Variants in FBXL20 observed in about 807,000 individuals in gnomAD.
The protein encoded by FBXL20 is F-box/LRR-repeat protein 20.
FBXL20 carries 11 observed loss-of-function variants against 64.0 expected under a neutral mutation model. The observed-to-expected ratio is 0.17, with a 90% CI of 0.11 to 0.28. The LOEUF is 0.28. Ranked by LOEUF, FBXL20 falls within the 10% of genes least tolerant of loss-of-function variation. The pLI, the probability that FBXL20 is intolerant of heterozygous loss-of-function variation, is 1.00. For synonymous variants in FBXL20, 184 were observed against 189.0 expected (o/e 0.97, Z 0.22); for missense variants, 303 against 526.2 (o/e 0.58, Z 4.15).
intron 1 of FBXL20, among the ~76,000 whole-genome samples, chr17:39,348,169 A>T (rs1255108748): frequency 6.6e-6 from 1 of 151,930 alleles, no homozygotes; most frequent in Non-Finnish European, 1.5e-5. Flanking sequence ...CACATACAAA[A>T]GATGATGTCT....
intron 1 of FBXL20, among the ~76,000 whole-genome samples, chr17:39,394,299 G>C (rs903950420): frequency 9.0e-5 from 12 of 132,912 alleles, no homozygotes; most frequent in Non-Finnish European, 6.3e-5. Flanking sequence ...TTTTTTTTGA[G>C]ACAGAGTCTC....
intron 1 of FBXL20, among the ~76,000 whole-genome samples, chr17:39,363,810 CAAAAAAA>C (rs71372113): frequency 7.5e-5 from 2 of 26,676 alleles, no homozygotes; most frequent in African/African-American, 4.9e-4. Context: ...GACTTTATCT[CAAAAAAA>C]AAAAAAAAAC....
At chr17:39,380,231 T>A (rs1471168253) in intron 1 of FBXL20, among the ~76,000 whole-genome samples, 1 of 152,150 alleles carries the variant, frequency 6.6e-6, no homozygotes, top group Non-Finnish European at 1.5e-5. Context: ...AAAACAAATC[T>A]ATGAATGTAT....
intron 1 of FBXL20, among the ~76,000 whole-genome samples, chr17:39,375,373 C>T (rs867832858): frequency 3.3e-5 from 5 of 151,844 alleles, no homozygotes; most frequent in East Asian, 3.8e-4. Flanking sequence ...AAGAAACAAA[C>T]GAAAAAAATT....
intron 1 of FBXL20, among the ~76,000 whole-genome samples, chr17:39,354,626 G>A (rs2047718721): frequency 6.6e-6 from 1 of 152,156 alleles, no homozygotes; most frequent in African/African-American, 2.4e-5. Context: ...TAGGAATCTG[G>A]AAGTACTCTA....
intron 12 of FBXL20, among the ~76,000 whole-genome samples, chr17:39,266,502 G>A (rs1357831666): frequency 6.6e-6 from 1 of 152,146 alleles, no homozygotes; most frequent in Non-Finnish European, 1.5e-5. Context: ...TTACAGGCAT[G>A]AGCCACCATG....
chr17:39,297,995 TC>T (rs1427801513), intron 5 of FBXL20, among the ~76,000 whole-genome samples: 4 of 152,166 alleles, frequency 2.6e-5, no homozygotes, highest in African/African-American at 9.7e-5. Flanking sequence ...CATCAGCCTT[TC>T]AAAGTGCTGA....
At chr17:39,283,337 C>T (rs2046963275) in intron 7 of FBXL20, among the ~76,000 whole-genome samples, 2 of 152,176 alleles carry the variant, frequency 1.3e-5, no homozygotes, top group African/African-American at 4.8e-5. Context: ...AGCTGAGTAT[C>T]CCATATCTGA....
At chr17:39,271,396 G>A (rs1004080087) in intron 10 of FBXL20, among the ~76,000 whole-genome samples, 4 of 151,278 alleles carry the variant, frequency 2.6e-5, no homozygotes, top group Non-Finnish European at 5.9e-5. Context: ...TCAGGAGTTC[G>A]AGACCAGCCT....
chr17:39,386,332 A>T (rs2048079917), intron 1 of FBXL20, among the ~76,000 whole-genome samples: 1 of 147,598 alleles, frequency 6.8e-6, no homozygotes, highest in Non-Finnish European at 1.5e-5. Context: ...AATAAATAAA[A>T]ATTAATCAGT....
At chr17:39,289,936 T>G (rs947578013) in intron 6 of FBXL20, among the ~76,000 whole-genome samples, 36 of 140,428 alleles carry the variant, frequency 2.6e-4, no homozygotes, top group African/African-American at 9.9e-4. Context: ...GAGGCAGAGG[T>G]TGCAGTTAGC....
Position 39,325,935 on chromosome 17 carries a change from G to A in FBXL20, c.104+17245C>T, listed in dbSNP as rs571132490. On this transcript the variant is annotated intron_variant, in intron 2 of 14. Coordinates refer to ENST00000264658, the MANE Select transcript of FBXL20 (RefSeq NM_032875.3). ...TTGAAATGTGATCCCCAATGTTGGA[G>A]GTGGGACCTAGTGAGAGGTATTAGA... 3.7e-4 allele frequency among the ~76,000 whole-genome samples: 56 copies of A among 152,264 alleles called. 1 individual carries two copies. Among genetic ancestry groups the A allele is most frequent in the African/African-American group, 1.3e-3 (53 of 41,548 alleles).
chr17:39,306,513 T>C (rs1356530759), intron 2 of FBXL20, among the ~76,000 whole-genome samples: 1 of 152,202 alleles, frequency 6.6e-6, no homozygotes, highest in African/African-American at 2.4e-5. Context: ...GAAAAGACTG[T>C]ACTTTTCCCC....
intron 12 of FBXL20, among the ~76,000 whole-genome samples, chr17:39,266,065 CTTTTTT>C (rs34822405): frequency 4.8e-5 from 3 of 62,736 alleles, no homozygotes; most frequent in African/African-American, 6.1e-5. Flanking sequence ...CTCATTCATT[CTTTTTT>C]TTTTTTTTTT....
upstream of FBXL20, chr17:39,401,749 G>A (rs2048248059): frequency 9.7e-7 from 1 of 1,034,054 alleles, no homozygotes; most frequent in Non-Finnish European, 1.2e-6. Flanking sequence ...GGGGAGGAGC[G>A]CGGCGGCGGC....
Position 39,398,913 on chromosome 17 carries a change from T to C in FBXL20, c.42+2448A>G, listed in dbSNP as rs192958310. Among the ~76,000 whole-genome samples the C allele has an allele frequency of 4.2e-3, 634 of 152,198 alleles. 5 individuals carry two copies. The highest frequency in any genetic ancestry group is 0.014 in the African/African-American group (586 of 41,552). On this transcript the variant is annotated intron_variant, in intron 1 of 14. Coordinates refer to ENST00000264658, the MANE Select transcript of FBXL20 (RefSeq NM_032875.3). ...TGGTCTTGAACTCCTGACCTCGTGA[T>C]CCACCCACCTCGGCCTCCCAAAGTG...
chr17:39,379,475 C>G lies in FBXL20; in HGVS notation c.42+21886G>C, dbSNP rs570792790. Among the ~76,000 whole-genome samples the G allele has an allele frequency of 8.6e-4, 117 of 136,044 alleles. 1 individual carries two copies. Among genetic ancestry groups the G allele is most frequent in the African/African-American group, 3.4e-3 (109 of 31,644 alleles). 89.3% of individuals were successfully genotyped at this position (136,044 alleles called of 152,430 possible). A position where few individuals can be genotyped will look rare whatever the true frequency, so the allele number is the denominator to read the frequency against. ...AAGCCTTGGCAACATAGCAAGACCC[C>G]ATCCCTTACCAAAAAAAAAAAAACT... is the stretch of plus-strand genomic sequence containing the variant. On this transcript the variant is annotated intron_variant, in intron 1 of 14. Transcript: ENST00000264658.
At chr17:39,385,705 C>T (rs564001948) in intron 1 of FBXL20, among the ~76,000 whole-genome samples, 43 of 152,264 alleles carry the variant, frequency 2.8e-4, no homozygotes, top group Admixed American at 9.2e-4. Flanking sequence ...ATGAAAACTA[C>T]AAGAAAGTTA....
At chr17:39,303,109 T>C (rs1026158414) in intron 3 of FBXL20, among the ~76,000 whole-genome samples, 2 of 152,094 alleles carry the variant, frequency 1.3e-5, no homozygotes, top group African/African-American at 4.8e-5. Flanking sequence ...CTGGAAGATG[T>C]CTGTGTGCCT....
Sources: gnomAD v4.1 joint callset for allele counts (sites outside exome capture counted in the v4.1 genomes callset) on GRCh38, gnomAD v4.1.1 for gene constraint, MANE v1.5 for transcripts, NCBI Gene and HGNC (gene_info 2026-07-23, HGNC 2026-07-21) for gene names.